Variants in FSTL5 observed in about 807,000 individuals in gnomAD.
FSTL5 encodes follistatin like 5.
In FSTL5, 62 loss-of-function variants were observed where a neutral mutation model predicts 89.1. The ratio of observed to expected loss-of-function variants is 0.70; its 90% CI spans 0.57 to 0.86. The LOEUF (loss-of-function observed/expected upper bound fraction) is 0.86. Among genes scored for constraint, FSTL5 ranks in the 40% least tolerant of loss-of-function variants. The pLI, the probability that FSTL5 is intolerant of heterozygous loss-of-function variation, is 0.00. For synonymous variants in FSTL5, 383 were observed against 346.2 expected (o/e 1.11, Z -1.18); for missense variants, 1,057 against 1,001.6 (o/e 1.06, Z -0.75).
At chr4:162,158,749 A>G (rs531202651) in intron 1 of FSTL5, among the ~76,000 whole-genome samples, 1 of 152,244 alleles carries the variant, frequency 6.6e-6, no homozygotes, top group African/African-American at 2.4e-5. Flanking sequence ...TGCAAATGTT[A>G]CATTACTTAA....
rs377481548 is a variant in FSTL5, at chr4:162,044,614, C to G, written c.127-10956G>C. On this transcript the variant is annotated intron_variant, in intron 2 of 15. Transcript: ENST00000306100. ...TTTGAAGTCAGACATTGACTTCTTT[C>G]TCGCTAAGAAAGTGGTGAATGGCAT... Among the ~76,000 whole-genome samples the G allele has an allele frequency of 6.6e-5, 10 of 152,288 alleles. No homozygotes were observed. The South Asian group carries it at 1.4e-3, about 22-fold the overall frequency.
intron 3 of FSTL5, among the ~76,000 whole-genome samples, chr4:161,933,546 A>T (rs1734349328): frequency 6.6e-6 from 1 of 151,980 alleles, no homozygotes; most frequent in Admixed American, 6.6e-5. Context: ...TTTGTAGGAG[A>T]AAAACATCTA....
chr4:161,548,347 T>C (rs1312332768), intron 8 of FSTL5, among the ~76,000 whole-genome samples: 3 of 151,852 alleles, frequency 2.0e-5, no homozygotes, highest in African/African-American at 7.2e-5. Flanking sequence ...GAAACAATAA[T>C]TGTAACAGAA....
At chr4:162,093,481 T>C (rs1730631232) in intron 2 of FSTL5, among the ~76,000 whole-genome samples, 1 of 152,104 alleles carries the variant, frequency 6.6e-6, no homozygotes, top group African/African-American at 2.4e-5. Flanking sequence ...CAGAAAATAT[T>C]GGAAAAACAC....
In FSTL5 at chr4:161,384,261, TA is replaced by T. The variant is rs766130652; in HGVS notation, c.*1485del. 6.6e-6 allele frequency: 1 copy of T among 152,146 alleles called. No homozygotes were observed. Among genetic ancestry groups the T allele is most frequent in the Non-Finnish European group, 1.5e-5 (1 of 67,992 alleles). The allele number at this position is 152,146 out of a possible 1,614,324, so 9.4% of individuals were successfully genotyped here. ...TAAACTTGAGTAAAATTTGTATATT[TA>T]AAAAAGACCTTATTGGATTACCTTA... On this transcript the variant is annotated 3_prime_UTR_variant, in exon 16 of 16. Transcript: ENST00000306100.
chr4:161,803,369 C>A (rs1243029594), intron 4 of FSTL5, among the ~76,000 whole-genome samples: 1 of 151,910 alleles, frequency 6.6e-6, no homozygotes, highest in Non-Finnish European at 1.5e-5. Context: ...ATATCCTGTA[C>A]TGACTCAGCA....
chr4:161,989,916 T>A (rs1019938492), intron 3 of FSTL5, among the ~76,000 whole-genome samples: 1 of 152,142 alleles, frequency 6.6e-6, no homozygotes, highest in African/African-American at 2.4e-5. Context: ...TGTTTACACC[T>A]CTCTTGATTA....
chr4:162,093,881 A>AT (rs1402402521), intron 2 of FSTL5, among the ~76,000 whole-genome samples: 2 of 152,064 alleles, frequency 1.3e-5, no homozygotes, highest in African/African-American at 4.8e-5. Flanking sequence ...CAATATTAGT[A>AT]TTTTTTCACT....
chr4:161,694,636 A>G (rs1214062294), intron 6 of FSTL5, among the ~76,000 whole-genome samples: 4 of 152,140 alleles, frequency 2.6e-5, no homozygotes, highest in East Asian at 3.9e-4. Flanking sequence ...GGCTTTCTCA[A>G]AAATGATTTT....
At chr4:161,737,982 G>A (rs1259763781) in intron 6 of FSTL5, among the ~76,000 whole-genome samples, 1 of 152,036 alleles carries the variant, frequency 6.6e-6, no homozygotes, top group Non-Finnish European at 1.5e-5. Flanking sequence ...AAGAAAGAAT[G>A]AGCAGGATGA....
intron 3 of FSTL5, among the ~76,000 whole-genome samples, chr4:161,958,873 T>C (rs1288756033): frequency 6.6e-6 from 1 of 152,158 alleles, no homozygotes; most frequent in East Asian, 1.9e-4. Flanking sequence ...TTTTTTGCTG[T>C]GTAGTACTCT....
chr4:161,698,196 G>A (rs1335383101), intron 6 of FSTL5, among the ~76,000 whole-genome samples: 1 of 152,150 alleles, frequency 6.6e-6, no homozygotes, highest in Non-Finnish European at 1.5e-5. Context: ...TGTGAAACAA[G>A]TGGGCCCTCA....
At chr4:161,933,516 G>T (rs2110901430) in intron 3 of FSTL5, among the ~76,000 whole-genome samples, 1 of 151,454 alleles carries the variant, frequency 6.6e-6, no homozygotes, top group East Asian at 1.9e-4. Flanking sequence ...TCACATGAGA[G>T]ATACAGAATT....
At chr4:162,132,586 A>G (rs965662890) in intron 1 of FSTL5, among the ~76,000 whole-genome samples, 6 of 152,172 alleles carry the variant, frequency 3.9e-5, no homozygotes, top group African/African-American at 1.4e-4. Flanking sequence ...AATTCCGGAC[A>G]CAAAAATACC....
At chr4:161,975,734 C>T (rs1484186975) in intron 3 of FSTL5, among the ~76,000 whole-genome samples, 1 of 140,574 alleles carries the variant, frequency 7.1e-6, no homozygotes, top group Non-Finnish European at 1.5e-5. Flanking sequence ...GCACATGTAC[C>T]CTAAAACTTA....
At chr4:162,010,826 C>T (rs1736745578) in intron 3 of FSTL5, among the ~76,000 whole-genome samples, 1 of 152,154 alleles carries the variant, frequency 6.6e-6, no homozygotes, top group Non-Finnish European at 1.5e-5. Flanking sequence ...ACCATATATG[C>T]TTAACTATTC....
At chr4:161,422,490 A>C (rs1386255081) in intron 15 of FSTL5, among the ~76,000 whole-genome samples, 1 of 152,176 alleles carries the variant, frequency 6.6e-6, no homozygotes, top group Non-Finnish European at 1.5e-5. Flanking sequence ...ATTACCTTTG[A>C]ATATCTCGGA....
chr4:162,112,225 T>C (rs1418120995), intron 1 of FSTL5, among the ~76,000 whole-genome samples: 1 of 151,904 alleles, frequency 6.6e-6, no homozygotes, highest in Non-Finnish European at 1.5e-5. Context: ...CAATCTGTTA[T>C]GTCTGATTTC....
intron 15 of FSTL5, among the ~76,000 whole-genome samples, chr4:161,446,007 C>T (rs1055371625): frequency 6.6e-6 from 1 of 151,926 alleles, no homozygotes; most frequent in African/African-American, 2.4e-5. Context: ...CTGTTTGACT[C>T]AAAATAACTG....
Sources: gnomAD v4.1 joint callset for allele counts (sites outside exome capture counted in the v4.1 genomes callset) on GRCh38, gnomAD v4.1.1 for gene constraint, MANE v1.5 for transcripts, NCBI Gene and HGNC (gene_info 2026-07-23, HGNC 2026-07-21) for gene names.